Variants in KCNC2 observed in about 807,000 individuals in gnomAD.
KCNC2 encodes the protein potassium voltage-gated channel subfamily C member 2.
In KCNC2, 21 loss-of-function variants were observed where a neutral mutation model predicts 44.5. The ratio of observed to expected loss-of-function variants is 0.47; its 90% CI spans 0.33 to 0.68. KCNC2 has a LOEUF of 0.68. Ranked by LOEUF, KCNC2 falls within the 30% of genes least tolerant of loss-of-function variation. The pLI is 0.01. For missense variants in KCNC2, 589 were observed against 826.2 expected, an observed-to-expected ratio of 0.71 and a Z score of 3.52; for synonymous variants, 391 against 339.1, an observed-to-expected ratio of 1.15 and a Z score of -1.68.
chr12:75,187,094 C>T (rs1593056986), intron 2 of KCNC2, among the ~76,000 whole-genome samples: 1 of 152,072 alleles, frequency 6.6e-6, no homozygotes, highest in African/African-American at 2.4e-5. Context: ...CAAAGGTATT[C>T]CATGAAACTG....
intron 2 of KCNC2, among the ~76,000 whole-genome samples, chr12:75,075,125 CT>C (rs1167117020): frequency 6.6e-6 from 1 of 152,086 alleles, no homozygotes; most frequent in Non-Finnish European, 1.5e-5. Context: ...AGACCGTGAA[CT>C]TTATCCTTAA....
rs569575119 is a variant in KCNC2 at position 75,069,539 on chromosome 12, G to A, written c.688-18222C>T. Among the ~76,000 whole-genome samples, 4 of 152,128 alleles carry A rather than the reference G, an allele frequency of 2.6e-5. No individual in the cohort carries two copies. The East Asian group carries it at 7.7e-4, about 29-fold the overall frequency. On this transcript the variant is annotated intron_variant, in intron 2 of 4. Transcript: ENST00000549446. The stretch of plus-strand genomic sequence containing the variant: ...GACTAAGATTTCACCATACGATATG[G>A]CTCTTACAGAATCATTTCAGTAGAC...
At chr12:75,125,604 C>G (rs991167772) in intron 2 of KCNC2, among the ~76,000 whole-genome samples, 1 of 152,156 alleles carries the variant, frequency 6.6e-6, no homozygotes, top group Non-Finnish European at 1.5e-5. Context: ...AGTGATCATT[C>G]TGAATATGAG....
Position 75,041,395 on chromosome 12 carries a change from G to C in KCNC2, c.*1710C>G. On this transcript the variant is annotated 3_prime_UTR_variant, in exon 5 of 5. Transcript: ENST00000549446. ...ATGCAGGTCATGCTCTAGGACTTGG[G>C]GATATAGAGTAATACATGTTTCGTG... 1 of 1,389,280 alleles carries C rather than the reference G, an allele frequency of 7.2e-7. No individual in the cohort carries two copies. The highest frequency in any genetic ancestry group is 9.4e-7 in the Non-Finnish European group (1 of 1,069,470). 86.1% of individuals were successfully genotyped at this position (1,389,280 alleles called of 1,614,324 possible).
At chr12:75,175,799 C>T (rs902312703) in intron 2 of KCNC2, among the ~76,000 whole-genome samples, 3 of 152,008 alleles carry the variant, frequency 2.0e-5, no homozygotes, top group African/African-American at 7.2e-5. Flanking sequence ...CGCAACCTAT[C>T]CTAACTGAAA....
intron 2 of KCNC2, among the ~76,000 whole-genome samples, chr12:75,179,599 A>T (rs76737970): frequency 1 from 129,740 of 129,742 alleles, 64,869 homozygotes; most frequent in Middle Eastern, 1. Flanking sequence ...AAGGCATAAA[A>T]ATGTGTTTTA....
chr12:75,204,329 A>G (rs756116501), intron 2 of KCNC2, among the ~76,000 whole-genome samples: 5 of 152,070 alleles, frequency 3.3e-5, no homozygotes, highest in Non-Finnish European at 7.4e-5. Flanking sequence ...GCAAAAATGC[A>G]GGGTTGCAAA....
intron 2 of KCNC2, among the ~76,000 whole-genome samples, chr12:75,095,334 C>A (rs567884709): frequency 6.6e-6 from 1 of 151,792 alleles, no homozygotes; most frequent in South Asian, 2.1e-4. Flanking sequence ...ACAGAATTGT[C>A]CCATATTTGG....
At chr12:75,187,247 A>G (rs1893016129) in intron 2 of KCNC2, among the ~76,000 whole-genome samples, 1 of 152,226 alleles carries the variant, frequency 6.6e-6, no homozygotes, top group Admixed American at 6.5e-5. Context: ...ACCCAAATGC[A>G]ATTTATTTTT....
Position 75,050,964 on chromosome 12 carries a change from G to A in KCNC2, c.1041C>T (p.Leu347=). The A allele has an allele frequency of 6.2e-7, 1 of 1,613,748 alleles. No individual in the cohort carries two copies. The highest frequency in any genetic ancestry group is 1.1e-5 in the South Asian group (1 of 91,070). Residue 347 remains leucine (L), a synonymous_variant, in exon 3 of 5, where the codon CTC becomes CTT. Transcript: ENST00000549446. ...SKAAKDVLGF[L]RVVRFVRILR... is the part of the protein sequence containing the mutation. ...GGATCCTCACAAACCTTACCACCCT[G>A]AGGAAGCCAAGCACATCTTTAGCAG...
In KCNC2 at chr12:75,073,545, T is replaced by C. The variant is rs566543883; in HGVS notation, c.688-22228A>G. Among the ~76,000 whole-genome samples, 16 of 152,294 alleles carry C rather than the reference T, an allele frequency of 1.1e-4. No homozygotes were observed. In the East Asian group the frequency reaches 2.9e-3, roughly 27 times the overall value. Reference sequence around the variant, plus strand: ...GTTGCAATATTATACTAGAAGACAGTATTTTGGATATTTTGTTTGTTTTCT... The same window carrying C: ...GTTGCAATATTATACTAGAAGACAGCATTTTGGATATTTTGTTTGTTTTCT... On this transcript the variant is annotated intron_variant, in intron 2 of 4. Coordinates refer to ENST00000549446, the MANE Select transcript of KCNC2 (RefSeq NM_139137.4).
intron 2 of KCNC2, among the ~76,000 whole-genome samples, chr12:75,112,492 T>C (rs1222128219): frequency 6.6e-6 from 1 of 152,046 alleles, no homozygotes; most frequent in Non-Finnish European, 1.5e-5. Flanking sequence ...ATTTTTATTT[T>C]ATCTTATCTA....
At chr12:75,049,698 A>T (rs1275860670) in intron 3 of KCNC2, among the ~76,000 whole-genome samples, 2 of 152,092 alleles carry the variant, frequency 1.3e-5, no homozygotes, top group Non-Finnish European at 1.5e-5. Context: ...TTTGCCATTG[A>T]GTGGCCAAAG....
At chr12:75,138,337 T>C (rs1409875127) in intron 2 of KCNC2, among the ~76,000 whole-genome samples, 5 of 152,210 alleles carry the variant, frequency 3.3e-5, no homozygotes, top group Admixed American at 1.3e-4. Flanking sequence ...TATACATATA[T>C]GTTAATTAAT....
At chr12:75,077,108 T>C (rs957740697) in intron 2 of KCNC2, among the ~76,000 whole-genome samples, 1 of 152,164 alleles carries the variant, frequency 6.6e-6, no homozygotes, top group African/African-American at 2.4e-5. Flanking sequence ...TAGTTGCTTT[T>C]TGAGGGAACA....
chr12:75,203,334 A>C lies in KCNC2; in HGVS notation c.687+3963T>G, dbSNP rs1322648595. ...TTTGAGTCTAATGCTAGAAATTAAAATTTCCATTTTAATGGCTTCTACGGA... is the reference window on the plus strand; with the variant it reads ...TTTGAGTCTAATGCTAGAAATTAAACTTTCCATTTTAATGGCTTCTACGGA... On this transcript the variant is annotated intron_variant, in intron 2 of 4. Transcript: ENST00000549446. 2.0e-5 allele frequency among the ~76,000 whole-genome samples: 3 copies of C among 152,000 alleles called. No individual in the cohort carries two copies. In the South Asian group the frequency reaches 6.2e-4, roughly 31 times the overall value.
rs1246958337 is a variant in KCNC2 at position 75,042,761 on chromosome 12, T to A, written c.*344A>T. ...CACAAGAAATAAAGTTCCAATGAAG[T>A]GGTTGGCATTTGGAAGCACACTGTT... is the stretch of plus-strand genomic sequence containing the variant. On this transcript the variant is annotated 3_prime_UTR_variant, in exon 5 of 5. Coordinates refer to ENST00000549446, the MANE Select transcript of KCNC2 (RefSeq NM_139137.4). The A allele has an allele frequency of 8.7e-7, 1 of 1,148,482 alleles. No homozygotes were observed. Among genetic ancestry groups the A allele is most frequent in the African/African-American group, 1.6e-5 (1 of 62,118 alleles). The allele number at this position is 1,148,482 out of a possible 1,614,324, so 71.1% of individuals were successfully genotyped here.
intron 2 of KCNC2, among the ~76,000 whole-genome samples, chr12:75,167,316 T>C (rs888261100): frequency 1.3e-5 from 2 of 151,332 alleles, no homozygotes; most frequent in African/African-American, 4.8e-5. Context: ...ACTTATTTAT[T>C]TTTTCATTTG....
intron 3 of KCNC2, among the ~76,000 whole-genome samples, chr12:75,049,262 A>T (rs1272792426): frequency 2.6e-5 from 4 of 152,136 alleles, no homozygotes; most frequent in Non-Finnish European, 4.4e-5. Flanking sequence ...CTAAGGAGGG[A>T]CCTATGAAAA....
Sources: allele counts gnomAD v4.1 joint callset (sites outside exome capture counted in the v4.1 genomes callset), GRCh38; gene constraint gnomAD v4.1.1; transcripts MANE v1.5; gene names NCBI Gene and HGNC (gene_info 2026-07-23, HGNC 2026-07-21).